BACH2: variants seen among roughly 807,000 people sequenced by gnomAD.
BACH2 encodes the protein BACH transcriptional regulator 2.
In BACH2, 5 loss-of-function variants were observed where a neutral mutation model predicts 61.8. The observed-to-expected ratio is 0.08, with a 90% CI of 0.04 to 0.17. The LOEUF is 0.17. BACH2 is among the 10% of genes least tolerant of loss of function. The pLI is 1.00. For synonymous variants in BACH2, 446 were observed against 440.1 expected (o/e 1.01, Z -0.17); for missense variants, 824 against 1,091.1 (o/e 0.76, Z 3.45).
chr6:89,966,500 C>A (rs1469593410), intron 6 of BACH2, among the ~76,000 whole-genome samples: 1 of 152,212 alleles, frequency 6.6e-6, no homozygotes, highest in East Asian at 1.9e-4. Flanking sequence ...GAACATACCA[C>A]TCTGTAGCTT....
At chr6:90,063,021 T>C (rs768079039) in intron 5 of BACH2, 1 of 668,420 alleles carries the variant, frequency 1.5e-6, no homozygotes, top group Non-Finnish European at 1.9e-6. Flanking sequence ...GAGTTTTTAG[T>C]GTACCTATTC....
intron 6 of BACH2, among the ~76,000 whole-genome samples, chr6:90,000,276 C>T (rs1162564491): frequency 4.6e-5 from 7 of 152,154 alleles, no homozygotes; most frequent in South Asian, 2.1e-4. Flanking sequence ...GTCACCTCTG[C>T]GTTACTATAA....
intron 4 of BACH2, among the ~76,000 whole-genome samples, chr6:90,169,564 G>T (rs1161486987): frequency 6.6e-6 from 1 of 152,180 alleles, no homozygotes; most frequent in African/African-American, 2.4e-5. Flanking sequence ...TGATGTGCTT[G>T]TAATAGAGCA....
At chr6:90,007,025 T>G (rs1777441733) in intron 6 of BACH2, among the ~76,000 whole-genome samples, 1 of 152,160 alleles carries the variant, frequency 6.6e-6, no homozygotes, top group South Asian at 2.1e-4. Context: ...ACCCATATCT[T>G]GTTTGTCTAT....
chr6:90,135,219 C>A (rs1784230505), intron 4 of BACH2, among the ~76,000 whole-genome samples: 1 of 152,206 alleles, frequency 6.6e-6, no homozygotes, highest in Non-Finnish European at 1.5e-5. Context: ...GTCCTCCCTC[C>A]TGACACAGCC....
chr6:90,014,462 ATATATATTTT>A (rs1777930582), intron 5 of BACH2, among the ~76,000 whole-genome samples: 2 of 65,208 alleles, frequency 3.1e-5, no homozygotes, highest in African/African-American at 1.9e-4. Flanking sequence ...ATATATATAT[ATATATATTTT>A]TTTTTTTTTT....
chr6:90,179,089 AG>A (rs1227761067), intron 4 of BACH2, among the ~76,000 whole-genome samples: 3 of 152,212 alleles, frequency 2.0e-5, no homozygotes, highest in Admixed American at 2.0e-4. Flanking sequence ...ATTGCCAGTA[AG>A]TTTGCAAAAG....
At chr6:89,990,223 G>C (rs752613558) in intron 6 of BACH2, among the ~76,000 whole-genome samples, 3 of 152,170 alleles carry the variant, frequency 2.0e-5, no homozygotes, top group Non-Finnish European at 4.4e-5. Context: ...ACAGGAGTCG[G>C]TGCAAACTGG....
chr6:90,128,535 C>T lies in BACH2; in HGVS notation c.-161-39426G>A, dbSNP rs534124206. Among the ~76,000 whole-genome samples, 16 of 152,250 alleles carry T rather than the reference C, an allele frequency of 1.1e-4. No homozygotes were observed. In the South Asian group the frequency reaches 3.3e-3, roughly 32 times the overall value. Reference sequence around the variant, plus strand: ...GGCGGAGGTTGCAGTGAGCCAAGATCGTGCCACTGCACTCCAGCCTGGTGG... The same window carrying T: ...GGCGGAGGTTGCAGTGAGCCAAGATTGTGCCACTGCACTCCAGCCTGGTGG... On this transcript the variant is annotated intron_variant, in intron 4 of 8. Coordinates refer to ENST00000257749, the MANE Select transcript of BACH2 (RefSeq NM_021813.4).
intron 5 of BACH2, among the ~76,000 whole-genome samples, chr6:90,065,270 CTTTTTTTTTTTTT>C (rs71027920): frequency 0.021 from 1,092 of 52,734 alleles, 25 homozygotes; most frequent in African/African-American, 0.069. Context: ...GCCGCCCCCA[CTTTTTTTTTTTTT>C]TTTTTTTTTT....
rs549849342 is a variant in BACH2 at position 90,063,922 on chromosome 6, A to T, written c.-13+25039T>A. On this transcript the variant is annotated intron_variant, in intron 5 of 8. Transcript: ENST00000257749. ...TAGTTGGTGGCTTATATTTTAATTA[A>T]CTCTTTCTTTCTTGGTGGTACATAA... 7.3e-5 allele frequency among the ~76,000 whole-genome samples: 11 copies of T among 151,146 alleles called. No individual in the cohort carries two copies. The South Asian group carries it at 2.3e-3, about 32-fold the overall frequency.
chr6:90,136,654 A>G (rs1243281138), intron 4 of BACH2, among the ~76,000 whole-genome samples: 4 of 152,180 alleles, frequency 2.6e-5, no homozygotes, highest in African/African-American at 9.7e-5. Flanking sequence ...AATAATAATG[A>G]ACAGATTAAC....
At chr6:90,106,864 T>C (rs2127814327) in intron 4 of BACH2, among the ~76,000 whole-genome samples, 1 of 152,322 alleles carries the variant, frequency 6.6e-6, no homozygotes, top group South Asian at 2.1e-4. Context: ...TGGTTTGCCC[T>C]ACAGGGCAAC....
At chr6:89,971,681 G>A (rs1775367105) in intron 6 of BACH2, among the ~76,000 whole-genome samples, 1 of 152,186 alleles carries the variant, frequency 6.6e-6, no homozygotes, top group Non-Finnish European at 1.5e-5. Flanking sequence ...CTCAGTCATG[G>A]TGGAAGATGA....
intron 4 of BACH2, among the ~76,000 whole-genome samples, chr6:90,089,550 G>A (rs1782074231): frequency 6.6e-6 from 1 of 152,130 alleles, no homozygotes; most frequent in African/African-American, 2.4e-5. Context: ...TGACCGAAAT[G>A]AGATGATTCC....
At chr6:90,289,572 AC>A (rs1772119779) in intron 1 of BACH2, among the ~76,000 whole-genome samples, 1 of 152,256 alleles carries the variant, frequency 6.6e-6, no homozygotes, top group Non-Finnish European at 1.5e-5. Flanking sequence ...CCTGGGACAC[AC>A]TGGAAGAAGG....
rs1727481403 is a variant in BACH2 at position 89,928,228 on chromosome 6, T to C, written c.*4180A>G. On this transcript the variant is annotated 3_prime_UTR_variant, in exon 9 of 9. Transcript: ENST00000257749. ...TCTGGATCTGAGACTCCTCCTAAAC[T>C]GTAAGCAATAGTGAAGCAGTTTGAA... 1 of 152,368 alleles carries C rather than the reference T, an allele frequency of 6.6e-6. No individual in the cohort carries two copies. Among genetic ancestry groups the C allele is most frequent in the East Asian group, 1.9e-4 (1 of 5,338 alleles). The allele number at this position is 152,368 out of a possible 1,614,324, so 9.4% of individuals were successfully genotyped here. A position where few individuals can be genotyped will look rare whatever the true frequency, so the allele number is the denominator to read the frequency against.
chr6:90,066,653 T>A (rs1279358837), intron 5 of BACH2, among the ~76,000 whole-genome samples: 3 of 152,212 alleles, frequency 2.0e-5, no homozygotes, highest in Admixed American at 2.0e-4. Context: ...ATCTCAGGCA[T>A]TCCTTCATGC....
At chr6:89,986,969 G>T (rs1776276504) in intron 6 of BACH2, among the ~76,000 whole-genome samples, 1 of 152,154 alleles carries the variant, frequency 6.6e-6, no homozygotes, top group Non-Finnish European at 1.5e-5. Flanking sequence ...CTGCTTGATG[G>T]ATCAATGTTA....
Sources: allele counts gnomAD v4.1 joint callset (sites outside exome capture counted in the v4.1 genomes callset), GRCh38; gene constraint gnomAD v4.1.1; transcripts MANE v1.5; gene names NCBI Gene and HGNC (gene_info 2026-07-23, HGNC 2026-07-21).